EPM2A: variants seen among roughly 807,000 people sequenced by gnomAD.
EPM2A encodes the protein laforin.
Under a neutral mutation model 26.5 loss-of-function variants are expected in EPM2A, and 21 were observed. The observed-to-expected ratio is 0.79, with a 90% CI of 0.56 to 1.14. The LOEUF (loss-of-function observed/expected upper bound fraction) is 1.14, where lower values mean the gene tolerates loss of function less well. EPM2A is among the 50% of genes most tolerant of loss of function. EPM2A has a pLI of 0.00. For synonymous variants in EPM2A, 217 were observed against 177.6 expected (o/e 1.22, Z -1.76); for missense variants, 458 against 440.8 (o/e 1.04, Z -0.35).
chr6:145,538,256 G>T (rs1000814431), intron 2 of EPM2A, among the ~76,000 whole-genome samples: 12 of 151,834 alleles, frequency 7.9e-5, no homozygotes, highest in Admixed American at 7.2e-4. Context: ...CCACAGAAGA[G>T]GCCTTTTTTT....
intron 4 of EPM2A, among the ~76,000 whole-genome samples, chr6:145,434,173 G>A (rs1778958672): frequency 6.6e-6 from 1 of 151,300 alleles, no homozygotes; most frequent in African/African-American, 2.4e-5. Context: ...AAAACTTGGT[G>A]TTAACTGTTG....
chr6:145,523,884 G>C (rs1411571875), intron 2 of EPM2A, among the ~76,000 whole-genome samples: 1 of 151,732 alleles, frequency 6.6e-6, no homozygotes, highest in Non-Finnish European at 1.5e-5. Flanking sequence ...TTATGACCCA[G>C]GTAGTGAGCA....
At chr6:145,457,841 T>A (rs1779281150) in intron 4 of EPM2A, among the ~76,000 whole-genome samples, 1 of 152,228 alleles carries the variant, frequency 6.6e-6, no homozygotes, top group Non-Finnish European at 1.5e-5. Flanking sequence ...GTAATATGTG[T>A]CAAGATACAG....
At chr6:145,502,801 G>A (rs1019765142) in intron 2 of EPM2A, among the ~76,000 whole-genome samples, 3 of 152,134 alleles carry the variant, frequency 2.0e-5, no homozygotes, top group African/African-American at 4.8e-5. Flanking sequence ...ATACAAACTG[G>A]ATGTACAAAT....
intron 4 of EPM2A, among the ~76,000 whole-genome samples, chr6:145,419,263 A>G (rs1186050123): frequency 6.7e-6 from 1 of 149,002 alleles, no homozygotes; most frequent in Non-Finnish European, 1.5e-5. Flanking sequence ...TTCTAACAGA[A>G]GCGTGTTATA....
chr6:145,440,803 C>G (rs1029099075), intron 4 of EPM2A, among the ~76,000 whole-genome samples: 9 of 152,244 alleles, frequency 5.9e-5, no homozygotes, highest in Non-Finnish European at 1.3e-4. Context: ...AGGTGGGCTC[C>G]CACAGAGTTG....
intron 2 of EPM2A, among the ~76,000 whole-genome samples, chr6:145,505,485 C>T (rs1779959227): frequency 6.6e-6 from 1 of 151,914 alleles, no homozygotes; most frequent in Non-Finnish European, 1.5e-5. Flanking sequence ...CTAGGATGTT[C>T]CATTACCACC....
rs541610476 is a variant in EPM2A, at chr6:145,734,992, G to A, written c.301+206C>T. On this transcript the variant is annotated intron_variant, in intron 1 of 3. Transcript: ENST00000367519. ...CTATACGGGTCTAGGGAATCAGTAG[G>A]AAGCCGGAGGCGCGGCTGGCGGCGA... The A allele has an allele frequency of 3.1e-5, 11 of 357,604 alleles. No individual in the cohort carries two copies. In the South Asian group the frequency reaches 8.3e-4, roughly 27 times the overall value. 22.2% of individuals were successfully genotyped at this position (357,604 alleles called of 1,614,324 possible).
chr6:145,418,874 T>C lies in EPM2A; in HGVS notation c.556-34777A>G, dbSNP rs965770620. On this transcript the variant is annotated intron_variant, in intron 4 of 4. Coordinates refer to the EPM2A transcript ENST00000638717. ...CACTTTTCTCCTCAATTCCATGAAG[T>C]ATGCTATGTAGTTAAAAAATGTCTT... Among the ~76,000 whole-genome samples, 6 of 152,308 alleles carry C rather than the reference T, an allele frequency of 3.9e-5. No individual in the cohort carries two copies. In the East Asian group the frequency reaches 9.7e-4, roughly 25 times the overall value.
At chr6:145,587,588 G>A (rs1336373683) in intron 2 of EPM2A, among the ~76,000 whole-genome samples, 1 of 152,166 alleles carries the variant, frequency 6.6e-6, no homozygotes, top group Non-Finnish European at 1.5e-5. Context: ...ATTTCTGTCA[G>A]TACAGCAAAT....
intron 4 of EPM2A, among the ~76,000 whole-genome samples, chr6:145,462,527 C>T (rs1311156310): frequency 1.3e-5 from 2 of 152,126 alleles, no homozygotes. Context: ...TGTCACATAC[C>T]TACCTTGAGC....
At chr6:145,598,346 A>G (rs1781375675) in intron 2 of EPM2A, among the ~76,000 whole-genome samples, 1 of 151,740 alleles carries the variant, frequency 6.6e-6, no homozygotes, top group African/African-American at 2.4e-5. Context: ...TTTATTTCAT[A>G]TGTTTGTTGG....
chr6:145,668,329 A>C (rs1779386328), intron 2 of EPM2A, among the ~76,000 whole-genome samples: 1 of 152,172 alleles, frequency 6.6e-6, no homozygotes, highest in Admixed American at 6.5e-5. Context: ...AAGGACAATG[A>C]GGTGAGTTAA....
chr6:145,505,150 A>G (rs1779952799), intron 2 of EPM2A, among the ~76,000 whole-genome samples: 1 of 146,082 alleles, frequency 6.8e-6, no homozygotes. Flanking sequence ...ATGCTAGATG[A>G]CGCGTTAGTG....
At chr6:145,406,828 A>T (rs2114671715) in intron 4 of EPM2A, among the ~76,000 whole-genome samples, 1 of 152,284 alleles carries the variant, frequency 6.6e-6, no homozygotes, top group East Asian at 1.9e-4. Context: ...AGAAATGCAA[A>T]TCCTTAGGTC....
Position 145,534,421 on chromosome 6 carries a change from A to G in EPM2A, c.341-31846T>C, listed in dbSNP as rs182985235. ...TGCTAAAGAAAACCATACCCATTTT[A>G]CAGAAGTTAGCCTAGCAACTTAAAG... On this transcript the variant is annotated intron_variant, in intron 2 of 3. Transcript: ENST00000450221. 1.8e-3 allele frequency among the ~76,000 whole-genome samples: 270 copies of G among 152,376 alleles called. 1 individual carries two copies. Among genetic ancestry groups the G allele is most frequent in the African/African-American group, 6.2e-3 (257 of 41,592 alleles).
At chr6:145,712,155 G>A (rs6931280) in intron 1 of EPM2A, among the ~76,000 whole-genome samples, 10,137 of 152,132 alleles carry the variant, frequency 0.067, 1,136 homozygotes, top group African/African-American at 0.23. Context: ...AGCATTTTAT[G>A]ATAGATAATT....
chr6:145,680,313 T>A (rs999700776), intron 2 of EPM2A, among the ~76,000 whole-genome samples: 72 of 150,920 alleles, frequency 4.8e-4, no homozygotes, highest in Non-Finnish European at 8.0e-4. Flanking sequence ...TCTAGATAAA[T>A]CATAACATGG....
chr6:145,564,856 A>G (rs773531160), intron 2 of EPM2A, among the ~76,000 whole-genome samples: 1 of 152,050 alleles, frequency 6.6e-6, no homozygotes. Flanking sequence ...CAGATCTTAC[A>G]TTCAGCTGGA....
Sources: gnomAD v4.1 joint callset for allele counts (sites outside exome capture counted in the v4.1 genomes callset) on GRCh38, gnomAD v4.1.1 for gene constraint, MANE v1.5 for transcripts, NCBI Gene and HGNC (gene_info 2026-07-23, HGNC 2026-07-21) for gene names.